The following INPP4B variants were observed in gnomAD, a reference collection of about 807,000 sequenced individuals.
INPP4B encodes the protein inositol polyphosphate 4-phosphatase type II.
Under a neutral mutation model 122.5 loss-of-function variants are expected in INPP4B, and 55 were observed. That is an observed-to-expected ratio of 0.45 (90% CI 0.36 to 0.56). The LOEUF is 0.56. INPP4B is among the 20% of genes least tolerant of loss of function. The pLI is 0.00. For synonymous variants in INPP4B, 403 were observed against 388.7 expected, an observed-to-expected ratio of 1.04 and a Z score of -0.43; for missense variants, 1,000 against 1,097.7, an observed-to-expected ratio of 0.91 and a Z score of 1.26.
chr4:142,734,871 C>G (rs1766617781), intron 1 of INPP4B, among the ~76,000 whole-genome samples: 1 of 152,160 alleles, frequency 6.6e-6, no homozygotes, highest in Non-Finnish European at 1.5e-5. Flanking sequence ...CCTCAAACTC[C>G]TAACCTCAGA....
At chr4:142,381,686 T>C (rs934284882) in intron 7 of INPP4B, among the ~76,000 whole-genome samples, 15 of 152,162 alleles carry the variant, frequency 9.9e-5, no homozygotes, top group African/African-American at 3.6e-4. Flanking sequence ...TTTAATTTTC[T>C]ACACTTAAAT....
At chr4:142,430,256 A>G (rs1163832926) in intron 4 of INPP4B, among the ~76,000 whole-genome samples, 1 of 152,048 alleles carries the variant, frequency 6.6e-6, no homozygotes, top group Non-Finnish European at 1.5e-5. Context: ...GCTTTGGTTA[A>G]CAATTTTAGA....
At chr4:142,749,547 C>T (rs528243737) in intron 1 of INPP4B, among the ~76,000 whole-genome samples, 69 of 151,374 alleles carry the variant, frequency 4.6e-4, no homozygotes, top group Non-Finnish European at 8.6e-4. Flanking sequence ...AGACTAAAGG[C>T]AGTACTGGGG....
chr4:142,705,445 C>T (rs187266411), intron 2 of INPP4B, among the ~76,000 whole-genome samples: 2 of 136,424 alleles, frequency 1.5e-5, no homozygotes, highest in Non-Finnish European at 3.1e-5. Context: ...TCTCTCTACC[C>T]ATTCCCACCC....
In INPP4B at chr4:142,270,683, T is replaced by C; in HGVS notation, c.595A>G (p.Thr199Ala). 6.2e-7 allele frequency: 1 copy of C among 1,607,464 alleles called. No homozygotes were observed. The highest frequency in any genetic ancestry group is 8.5e-7 in the Non-Finnish European group (1 of 1,173,970). Residue 199 changes from threonine to alanine, a missense_variant, in exon 10 of 26, where the codon ACA becomes GCA. Thr to Ala is a moderately conservative substitution (Grantham distance 58, BLOSUM62 0). Coordinates refer to ENST00000262992, the MANE Select transcript of INPP4B (RefSeq NM_001101669.3). ...IEDGEADHIT[T>A]DVQGQKCALV... ...CCTACCTTTTGTCCCTGTACATCTGTGGTGATGTGGTCGGCTTCCCCATCC... is the reference window on the plus strand; with the variant it reads ...CCTACCTTTTGTCCCTGTACATCTGCGGTGATGTGGTCGGCTTCCCCATCC...
chr4:142,836,719 T>TACACACACACACACACACACACAC (rs138777384), intron 1 of INPP4B, among the ~76,000 whole-genome samples: 121 of 146,508 alleles, frequency 8.3e-4, no homozygotes, highest in South Asian at 2.7e-3. Context: ...AAGTACTGTC[T>TACACACACACACACACACACACAC]ACACACACAC....
At chr4:142,769,496 G>T (rs928292410) in intron 1 of INPP4B, among the ~76,000 whole-genome samples, 2 of 152,156 alleles carry the variant, frequency 1.3e-5, no homozygotes, top group African/African-American at 4.8e-5. Flanking sequence ...CGTTAGAGTA[G>T]ACATTAGGAC....
At chr4:142,770,680 T>C (rs1224589871) in intron 1 of INPP4B, among the ~76,000 whole-genome samples, 1 of 151,990 alleles carries the variant, frequency 6.6e-6, no homozygotes, top group East Asian at 1.9e-4. Context: ...GCAATTCCAT[T>C]AGAAAAAGAA....
intron 9 of INPP4B, among the ~76,000 whole-genome samples, chr4:142,300,573 A>G (rs1458981258): frequency 1.3e-5 from 2 of 152,200 alleles, no homozygotes; most frequent in African/African-American, 4.8e-5. Context: ...CATTGTGAGG[A>G]AGCAAAATGT....
At chr4:142,122,576 A>G (rs547304577) in intron 20 of INPP4B, among the ~76,000 whole-genome samples, 2 of 152,244 alleles carry the variant, frequency 1.3e-5, no homozygotes, top group South Asian at 2.1e-4. Context: ...TAGAAATAAC[A>G]GAGGTAGCTG....
intron 7 of INPP4B, among the ~76,000 whole-genome samples, chr4:142,385,327 C>G (rs181834685): frequency 6.6e-6 from 1 of 150,556 alleles, no homozygotes; most frequent in Admixed American, 6.6e-5. Flanking sequence ...GGTATCTCAT[C>G]GTGATTTTGA....
intron 25 of INPP4B, among the ~76,000 whole-genome samples, chr4:142,058,489 C>T (rs1167134389): frequency 1.3e-5 from 2 of 152,156 alleles, no homozygotes; most frequent in Non-Finnish European, 2.9e-5. Context: ...ATTTCAGGTC[C>T]TCTGTTGTCT....
chr4:142,724,948 C>T (rs1290020065), intron 2 of INPP4B, among the ~76,000 whole-genome samples: 1 of 151,932 alleles, frequency 6.6e-6, no homozygotes, highest in Admixed American at 6.6e-5. Context: ...ATATATAATA[C>T]ATTTCATTAA....
At chr4:142,704,712 A>G (rs1481132021) in intron 2 of INPP4B, among the ~76,000 whole-genome samples, 3 of 152,054 alleles carry the variant, frequency 2.0e-5, no homozygotes, top group African/African-American at 7.2e-5. Context: ...ACTTTTCTCT[A>G]TTGCCACGTA....
chr4:142,793,084 T>C (rs1041970302), intron 1 of INPP4B, among the ~76,000 whole-genome samples: 2 of 151,890 alleles, frequency 1.3e-5, no homozygotes, highest in Admixed American at 6.6e-5. Flanking sequence ...ACAAAAGTGC[T>C]ACAGAATCAG....
intron 1 of INPP4B, among the ~76,000 whole-genome samples, chr4:142,816,450 C>T (rs1190037086): frequency 6.6e-6 from 1 of 151,868 alleles, no homozygotes; most frequent in Non-Finnish European, 1.5e-5. Context: ...CTTTAAAGAT[C>T]GTTGAAGTTA....
At chr4:142,772,043 T>A (rs1480529104) in intron 1 of INPP4B, among the ~76,000 whole-genome samples, 1 of 152,152 alleles carries the variant, frequency 6.6e-6, no homozygotes, top group East Asian at 1.9e-4. Flanking sequence ...CTGATCATGT[T>A]AAGTTTGTGA....
At chr4:142,518,735 A>G (rs1825722781) in intron 2 of INPP4B, 1 of 152,198 alleles carries the variant, frequency 6.6e-6, no homozygotes, top group African/African-American at 2.4e-5. Context: ...AAGACACTCA[A>G]GTAGCTCAGT....
At chr4:142,325,733 G>A (rs991776383) in intron 7 of INPP4B, among the ~76,000 whole-genome samples, 6 of 152,082 alleles carry the variant, frequency 3.9e-5, no homozygotes, top group East Asian at 1.9e-4. Context: ...AATTGGTGGC[G>A]CTTTAAAACT....
Sources: gnomAD v4.1 joint callset for allele counts (sites outside exome capture counted in the v4.1 genomes callset) on GRCh38, gnomAD v4.1.1 for gene constraint, MANE v1.5 for transcripts, NCBI Gene and HGNC (gene_info 2026-07-23, HGNC 2026-07-21) for gene names.